Variants in ARHGEF37 observed in about 807,000 individuals in gnomAD.
The protein encoded by ARHGEF37 is Rho guanine nucleotide exchange factor 37.
ARHGEF37 carries 55 observed loss-of-function variants against 71.1 expected under a neutral mutation model. The observed-to-expected ratio is 0.77, with a 90% CI of 0.62 to 0.97. The LOEUF is 0.97. Ranked by LOEUF, ARHGEF37 falls within the 50% of genes least tolerant of loss-of-function variation. ARHGEF37 has a pLI of 0.00. For synonymous variants in ARHGEF37, 327 were observed against 350.6 expected, an observed-to-expected ratio of 0.93 and a Z score of 0.75; for missense variants, 765 against 836.8, an observed-to-expected ratio of 0.91 and a Z score of 1.06.
intron 1 of ARHGEF37, among the ~76,000 whole-genome samples, chr5:149,553,189 G>A (rs1323692872): frequency 6.6e-6 from 1 of 152,010 alleles, no homozygotes. Context: ...ACCTGAGGTC[G>A]GGAGTTCGAG....
At chr5:149,602,165 T>C (rs1763777244) in intron 3 of ARHGEF37, among the ~76,000 whole-genome samples, 1 of 151,600 alleles carries the variant, frequency 6.6e-6, no homozygotes, top group Non-Finnish European at 1.5e-5. Flanking sequence ...CAAGCAATTC[T>C]CCTGCCTCAG....
At chr5:149,555,506 T>C (rs1762742611) in intron 1 of ARHGEF37, among the ~76,000 whole-genome samples, 1 of 151,394 alleles carries the variant, frequency 6.6e-6, no homozygotes, top group Non-Finnish European at 1.5e-5. Flanking sequence ...GTAGAAATAG[T>C]GTCTTGCCTT....
intron 1 of ARHGEF37, among the ~76,000 whole-genome samples, chr5:149,557,188 C>T (rs913954233): frequency 6.6e-6 from 1 of 152,090 alleles, no homozygotes; most frequent in African/African-American, 2.4e-5. Context: ...GAACAGAAGC[C>T]ATTGAGTTCA....
In ARHGEF37 at chr5:149,600,276, ATGT is replaced by A. The variant is rs530537791; in HGVS notation, c.187-827_187-825del. ...GTTATTATGCAGTGCGTGACTGTAT[ATGT>A]TGTTATTTATTTTAACAGAAACAAG... On this transcript the variant is annotated intron_variant, in intron 2 of 12. Coordinates refer to ENST00000333677, the MANE Select transcript of ARHGEF37 (RefSeq NM_001001669.3). Among the ~76,000 whole-genome samples, 147 of 152,338 alleles carry A rather than the reference ATGT, an allele frequency of 9.6e-4. 1 individual carries two copies. In the South Asian group the frequency reaches 0.015, roughly 16 times the overall value.
chr5:149,618,705 C>T (rs1234248810), intron 6 of ARHGEF37, among the ~76,000 whole-genome samples: 1 of 152,194 alleles, frequency 6.6e-6, no homozygotes, highest in African/African-American at 2.4e-5. Context: ...AACCCTTGTC[C>T]AGAGTCACAC....
At chr5:149,566,509 T>TC (rs989665328) in intron 1 of ARHGEF37, among the ~76,000 whole-genome samples, 5 of 57,334 alleles carry the variant, frequency 8.7e-5, no homozygotes, top group East Asian at 6.1e-4. Flanking sequence ...CCCCCCATCC[T>TC]CCCCCCCAAA....
chr5:149,611,739 G>T (rs1580920923), intron 4 of ARHGEF37, among the ~76,000 whole-genome samples: 1 of 152,228 alleles, frequency 6.6e-6, no homozygotes, highest in African/African-American at 2.4e-5. Context: ...ATCTCGGCTA[G>T]GCAGGGATTC....
chr5:149,559,183 T>C (rs1312641231), intron 1 of ARHGEF37, among the ~76,000 whole-genome samples: 1 of 151,926 alleles, frequency 6.6e-6, no homozygotes, highest in Non-Finnish European at 1.5e-5. Flanking sequence ...TAGCCAGACA[T>C]GGTGGCACAT....
chr5:149,618,699 CTT>C (rs978687351), intron 6 of ARHGEF37, among the ~76,000 whole-genome samples: 2 of 152,234 alleles, frequency 1.3e-5, no homozygotes, highest in African/African-American at 2.4e-5. Flanking sequence ...GGGTAAAACC[CTT>C]GTCCAGAGTC....
intron 1 of ARHGEF37, among the ~76,000 whole-genome samples, chr5:149,585,386 C>T (rs1763202736): frequency 6.6e-6 from 1 of 152,140 alleles, no homozygotes; most frequent in Non-Finnish European, 1.5e-5. Flanking sequence ...TGTGGTATAT[C>T]CATATAACAG....
At chr5:149,557,579 A>G (rs1239859638) in intron 1 of ARHGEF37, among the ~76,000 whole-genome samples, 2 of 152,116 alleles carry the variant, frequency 1.3e-5, no homozygotes, top group African/African-American at 4.8e-5. Context: ...TCCTAGGCTC[A>G]AGCAAGCCTC....
chr5:149,595,009 G>T (rs961029428), intron 1 of ARHGEF37, among the ~76,000 whole-genome samples: 1 of 152,070 alleles, frequency 6.6e-6, no homozygotes, highest in African/African-American at 2.4e-5. Context: ...CATGAATTTC[G>T]GGAAAGGACA....
intron 9 of ARHGEF37, among the ~76,000 whole-genome samples, chr5:149,623,412 A>C (rs1268349879): frequency 1.3e-5 from 2 of 152,176 alleles, no homozygotes; most frequent in Non-Finnish European, 2.9e-5. Context: ...TTAGGCCTGA[A>C]CCATCAGTAA....
chr5:149,597,652 C>T lies in ARHGEF37; in HGVS notation c.-11-107C>T, dbSNP rs79804289. On this transcript the variant is annotated intron_variant, in intron 1 of 12. Coordinates refer to ENST00000333677, the MANE Select transcript of ARHGEF37 (RefSeq NM_001001669.3). The stretch of plus-strand genomic sequence containing the variant: ...CAGTTCATCTTGACTCTGTTTGCAG[C>T]TTAAGATGTTTTTAGGCCTCTTGAT... The T allele has an allele frequency of 1.2e-3, 1,203 of 1,000,288 alleles. 17 individuals are homozygous for T. In the East Asian group the frequency reaches 0.03, roughly 25 times the overall value. 62.0% of individuals were successfully genotyped at this position (1,000,288 alleles called of 1,614,324 possible).
chr5:149,553,310 G>A (rs1000695093), intron 1 of ARHGEF37, among the ~76,000 whole-genome samples: 7 of 152,036 alleles, frequency 4.6e-5, no homozygotes, highest in Non-Finnish European at 7.4e-5. Flanking sequence ...TGAGGCAGGA[G>A]AATCGCTTGA....
At chr5:149,557,167 ATAGGGACTTC>A (rs1762766761) in intron 1 of ARHGEF37, among the ~76,000 whole-genome samples, 1 of 152,210 alleles carries the variant, frequency 6.6e-6, no homozygotes, top group South Asian at 2.1e-4. Flanking sequence ...GAAACATTTA[ATAGGGACTTC>A]GAACAGAAGC....
intron 1 of ARHGEF37, among the ~76,000 whole-genome samples, chr5:149,558,840 C>G (rs1692638733): frequency 6.6e-6 from 1 of 151,740 alleles, no homozygotes; most frequent in South Asian, 2.1e-4. Context: ...AAACAAAAAT[C>G]TCTTAGAGGT....
upstream of ARHGEF37, among the ~76,000 whole-genome samples, chr5:149,580,920 T>C (rs1314137453): frequency 6.6e-6 from 1 of 152,202 alleles, no homozygotes; most frequent in East Asian, 1.9e-4. Context: ...AGGAGCCCAA[T>C]AAGGCCAGGA....
intron 4 of ARHGEF37, among the ~76,000 whole-genome samples, chr5:149,613,379 C>T (rs990626959): frequency 5.5e-4 from 81 of 146,680 alleles, no homozygotes; most frequent in African/African-American, 1.9e-3. Flanking sequence ...CGGAGTTTTG[C>T]TCTGTCACTC....
Sources: gnomAD v4.1 joint callset for allele counts (sites outside exome capture counted in the v4.1 genomes callset) on GRCh38, gnomAD v4.1.1 for gene constraint, MANE v1.5 for transcripts, NCBI Gene and HGNC (gene_info 2026-07-23, HGNC 2026-07-21) for gene names.